Variants in RBM33 observed in about 807,000 individuals in gnomAD.
RBM33 encodes the protein RNA-binding protein 33.
A neutral mutation model predicts 132.6 loss-of-function variants in RBM33; 28 were observed. The observed-to-expected ratio is 0.21, with a 90% confidence interval of 0.16 to 0.29. The LOEUF (loss-of-function observed/expected upper bound fraction) is 0.29, where lower values mean the gene tolerates loss of function less well. Ranked by LOEUF, RBM33 falls within the 10% of genes least tolerant of loss-of-function variation. The pLI, the probability that RBM33 is intolerant of heterozygous loss-of-function variation, is 1.00. For missense variants in RBM33, 1,291 were observed against 1,518.5 expected (o/e 0.85, Z 2.49); for synonymous variants, 634 against 593.0 (o/e 1.07, Z -1.01).
intron 3 of RBM33, among the ~76,000 whole-genome samples, chr7:155,673,939 A>AGTTGTTTTTTGTTTTT (rs144951964): frequency 4.2e-4 from 6 of 14,348 alleles, no homozygotes; most frequent in Admixed American, 4.9e-4. Context: ...GTTTAGGCTT[A>AGTTGTTTTTTGTTTTT]GTTTTTTTTT....
At chr7:155,769,506 G>C (rs1351238694) in intron 16 of RBM33, among the ~76,000 whole-genome samples, 1 of 152,178 alleles carries the variant, frequency 6.6e-6, no homozygotes, top group East Asian at 1.9e-4. Flanking sequence ...CTGCTGATTT[G>C]GGGGTAGGCA....
intron 1 of RBM33, among the ~76,000 whole-genome samples, chr7:155,658,860 C>T (rs1321730165): frequency 6.6e-6 from 1 of 152,184 alleles, no homozygotes; most frequent in Non-Finnish European, 1.5e-5. Context: ...TGGTTTTCAT[C>T]ACTGATGGGC....
At chr7:155,731,642 A>G (rs1204433118) in intron 9 of RBM33, among the ~76,000 whole-genome samples, 1 of 152,028 alleles carries the variant, frequency 6.6e-6, no homozygotes, top group African/African-American at 2.4e-5. Context: ...AAGAGATTTC[A>G]TCATGCTACT....
chr7:155,665,298 C>T, intron 2 of RBM33, 45 bp downstream of exon 2: 1 of 1,541,408 alleles, frequency 6.5e-7, no homozygotes, highest in East Asian at 2.2e-5. Context: ...GCCGATCTCT[C>T]TCATTCTGAC....
At chr7:155,758,225 G>T (rs1241529592) in intron 14 of RBM33, among the ~76,000 whole-genome samples, 1 of 152,198 alleles carries the variant, frequency 6.6e-6, no homozygotes. Context: ...CAAAACTCTT[G>T]ATGATTAAGA....
chr7:155,647,222 C>CT (rs1798224654), intron 1 of RBM33, among the ~76,000 whole-genome samples: 1 of 152,192 alleles, frequency 6.6e-6, no homozygotes. Flanking sequence ...GCCATGCACT[C>CT]TAATGTTTTC....
Position 155,739,804 on chromosome 7 carries a change from C to G in RBM33, c.1827C>G (p.His609Gln), listed in dbSNP as rs1477552471. 2.0e-6 allele frequency: 3 copies of G among 1,467,562 alleles called. No individual in the cohort carries two copies. Among genetic ancestry groups the G allele is most frequent in the East Asian group, 5.0e-5 (2 of 40,160 alleles). 90.9% of individuals were successfully genotyped at this position (1,467,562 alleles called of 1,614,324 possible). Reference sequence around the variant, plus strand: ...CCCCGCCACAGCACCAGCCTCCGCACCAGCCCCCGCACCAGCCCCCGCCCC... The same window carrying G: ...CCCCGCCACAGCACCAGCCTCCGCAGCAGCCCCCGCACCAGCCCCCGCCCC... ...QQPPPQHQPP[H>Q]QPPHQPPPQH... The change falls in exon 12 of 18, where the codon CAC becomes CAG. Residue 609 changes from histidine to glutamine, a missense_variant. By Grantham distance (24) the His-to-Gln change is conservative. This residue lies in a region of RBM33 where 841 missense variants were observed against 912.0 expected (regional missense o/e 0.92). Transcript: ENST00000401878.
chr7:155,689,848 C>G (rs141909547), intron 5 of RBM33, among the ~76,000 whole-genome samples: 1 of 152,142 alleles, frequency 6.6e-6, no homozygotes, highest in South Asian at 2.1e-4. Flanking sequence ...CAGTTTGTTA[C>G]AATTTCTGTT....
chr7:155,736,809 G>A (rs1400892906), intron 9 of RBM33, among the ~76,000 whole-genome samples: 1 of 152,194 alleles, frequency 6.6e-6, no homozygotes, highest in African/African-American at 2.4e-5. Context: ...GACATTTAGT[G>A]TTTTGGATTA....
Position 155,774,119 on chromosome 7 carries a change from G to T in RBM33, c.3376-440G>T, listed in dbSNP as rs930207142. ...AGACTAGGGGCCATTGCCTACTGTG[G>T]GCTGTGGGGCCCCCATACTAAACAG... is the stretch of plus-strand genomic sequence containing the variant. On this transcript the variant is annotated intron_variant, in intron 16 of 17. Coordinates refer to ENST00000401878, the MANE Select transcript of RBM33 (RefSeq NM_053043.3). This position sits in a 1 kb window ranked among gnomAD's most constrained non-coding sequence, Gnocchi z 4.2. Among the ~76,000 whole-genome samples, 2 of 152,222 alleles carry T rather than the reference G, an allele frequency of 1.3e-5. No homozygotes were observed. Among genetic ancestry groups the T allele is most frequent in the Middle Eastern group, 3.2e-3 (1 of 316 alleles).
At chr7:155,757,463 C>T (rs1160542678) in intron 14 of RBM33, among the ~76,000 whole-genome samples, 1 of 152,128 alleles carries the variant, frequency 6.6e-6, no homozygotes, top group Non-Finnish European at 1.5e-5. Context: ...AGAAGCACAG[C>T]ATTATAGTAG....
At chr7:155,681,037 C>G (rs1799324238) in intron 5 of RBM33, 129 bp downstream of exon 5, 3 of 712,946 alleles carry the variant, frequency 4.2e-6, no homozygotes, top group Non-Finnish European at 6.8e-6. Flanking sequence ...CACTCTCTGC[C>G]AGTTTCTTTA....
At chr7:155,768,173 C>G (rs1802286616) in intron 16 of RBM33, among the ~76,000 whole-genome samples, 1 of 152,140 alleles carries the variant, frequency 6.6e-6, no homozygotes, top group East Asian at 1.9e-4. Context: ...TAGTCTTGAT[C>G]ATTTTCTTGA....
At chr7:155,706,347 G>A (rs184430651) in intron 6 of RBM33, among the ~76,000 whole-genome samples, 68 of 152,284 alleles carry the variant, frequency 4.5e-4, no homozygotes, top group African/African-American at 1.5e-3. Flanking sequence ...AAAAAAATCA[G>A]CCGGCGTGGC....
rs1465841151 is a variant in RBM33 at position 155,740,031 on chromosome 7, G to A, written c.2049+5G>A. 1 of 1,524,688 alleles carries A rather than the reference G, an allele frequency of 6.6e-7. No homozygotes were observed. The highest frequency in any genetic ancestry group is 1.4e-5 in the African/African-American group (1 of 73,222). 94.4% of individuals were successfully genotyped at this position (1,524,688 alleles called of 1,614,324 possible). A position where few individuals can be genotyped will look rare whatever the true frequency, so the allele number is the denominator to read the frequency against. On this transcript the variant is annotated splice_donor_5th_base_variant and intron_variant, in intron 12 of 17. Transcript: ENST00000401878. The stretch of plus-strand genomic sequence containing the variant: ...CAGCGCCAGGGGCTCCGGCATGTAA[G>A]TGTCAAGGGGTGTCTTCCCTGTGTC...
intron 8 of RBM33, among the ~76,000 whole-genome samples, chr7:155,714,297 A>C (rs944459895): frequency 6.6e-6 from 1 of 152,166 alleles, no homozygotes; most frequent in South Asian, 2.1e-4. Flanking sequence ...CATAAGGTAG[A>C]TGCCAGGGAG....
intron 5 of RBM33, among the ~76,000 whole-genome samples, chr7:155,687,074 G>A (rs1473963343): frequency 1.3e-5 from 2 of 152,164 alleles, no homozygotes; most frequent in African/African-American, 4.8e-5. Context: ...CACAATGGTT[G>A]AACTAGTTTA....
chr7:155,655,534 C>CTTTTTTTTTTTTTTTTT, intron 1 of RBM33, among the ~76,000 whole-genome samples: 1 of 80,114 alleles, frequency 1.2e-5, no homozygotes, highest in African/African-American at 5.1e-5. Flanking sequence ...GGCTGTTTGC[C>CTTTTTTTTTTTTTTTTT]TTTTTTTTTT....
chr7:155,673,940 G>GTTGTTGTTTGTTT, intron 3 of RBM33, among the ~76,000 whole-genome samples: 697 of 54,168 alleles, frequency 0.013, 173 homozygotes, highest in Middle Eastern at 0.043. Flanking sequence ...TTTAGGCTTA[G>GTTGTTGTTTGTTT]TTTTTTTTTT....
Sources: allele counts gnomAD v4.1 joint callset (sites outside exome capture counted in the v4.1 genomes callset), GRCh38; gene constraint gnomAD v4.1.1; regional missense constraint gnomAD v4.1.1; non-coding constraint Gnocchi (gnomAD v3.1); transcripts MANE v1.5; gene names NCBI Gene and HGNC (gene_info 2026-07-23, HGNC 2026-07-21).